MYB: variants seen among roughly 807,000 people sequenced by gnomAD.
The protein encoded by MYB is transcriptional activator Myb.
In MYB, 28 loss-of-function variants were observed where a neutral mutation model predicts 92.9. That is an observed-to-expected ratio of 0.30 (90% CI 0.22 to 0.41). The LOEUF (loss-of-function observed/expected upper bound fraction) is 0.41. Ranked by LOEUF, MYB falls within the 10% of genes least tolerant of loss-of-function variation. The pLI, the probability that MYB is intolerant of heterozygous loss-of-function variation, is 1.00. For synonymous variants in MYB, 295 were observed against 329.1 expected (o/e 0.90, Z 1.12); for missense variants, 679 against 929.3 (o/e 0.73, Z 3.50).
At chr6:135,200,446 C>G in intron 13 of MYB, 31 bp downstream of exon 13, 19 of 1,613,198 alleles carry the variant, frequency 1.2e-5, no homozygotes, top group Non-Finnish European at 1.6e-5. Flanking sequence ...AAGCAACAAG[C>G]TGAGAATCCT....
chr6:135,195,362 T>C, intron 8 of MYB: 1 of 250,352 alleles, frequency 4.0e-6, no homozygotes, highest in Admixed American at 5.0e-5. Flanking sequence ...GTCCTCTAGC[T>C]TTTTTGTGGT....
intron 1 of MYB, among the ~76,000 whole-genome samples, chr6:135,184,984 A>C (rs1254194457): frequency 6.6e-6 from 1 of 152,246 alleles, no homozygotes; most frequent in Non-Finnish European, 1.5e-5. Flanking sequence ...AAAAGTCATA[A>C]AATTTCCTAG....
chr6:135,201,808 CTG>C, intron 14 of MYB, 59 bp downstream of exon 14: 4 of 1,025,524 alleles, frequency 3.9e-6, no homozygotes, highest in Non-Finnish European at 5.4e-6. Flanking sequence ...TCATGAAATC[CTG>C]TGTGTGGCAT....
In MYB at chr6:135,199,036, A is replaced by G. The variant is rs766669229; in HGVS notation, c.1695A>G (p.Gln565=). 1.4e-5 allele frequency: 22 copies of G among 1,603,898 alleles called. No individual in the cohort carries two copies. Among genetic ancestry groups the G allele is most frequent in the Non-Finnish European group, 1.6e-5 (19 of 1,175,798 alleles). ...PFHRDQTVKT[Q]KENTVFRTPA... ...ATAGAGACCAGACTGTGAAAACTCA[A>G]AAGGAAAATACTGTGTAAGTCTTTG... is the stretch of plus-strand genomic sequence containing the variant. The change falls in exon 11 of 16, where the codon CAA becomes CAG. Residue 565 remains glutamine (Q), a synonymous_variant. Coordinates refer to ENST00000341911, the MANE Select transcript of MYB (RefSeq NM_001130173.2).
At chr6:135,187,768 A>G in intron 2 of MYB, 66 bp from the exon 3 acceptor site, 1 of 1,071,746 alleles carries the variant, frequency 9.3e-7, no homozygotes. Flanking sequence ...TCCCTCATTC[A>G]CTTTAACTTG....
intron 15 of MYB, among the ~76,000 whole-genome samples, chr6:135,208,546 G>GTTT (rs567088347): frequency 4.5e-5 from 6 of 134,614 alleles, no homozygotes; most frequent in Non-Finnish European, 4.7e-5. Context: ...TGCCCAGCTA[G>GTTT]TTTTTTTTTT....
intron 3 of MYB, among the ~76,000 whole-genome samples, chr6:135,189,322 C>T (rs914670570): frequency 7.9e-5 from 12 of 152,174 alleles, no homozygotes; most frequent in African/African-American, 2.7e-4. Flanking sequence ...AACATAGGAC[C>T]TATCTTTTAT....
chr6:135,197,504 GCTAA>G (rs35805384), intron 10 of MYB, among the ~76,000 whole-genome samples, 181 bp downstream of exon 10: 6,276 of 152,248 alleles, frequency 0.041, 169 homozygotes, highest in Non-Finnish European at 0.063. Flanking sequence ...CTGTCTGCAG[GCTAA>G]CTGTTGATTT....
intron 15 of MYB, among the ~76,000 whole-genome samples, chr6:135,207,091 C>T (rs1779050245): frequency 6.6e-6 from 1 of 152,188 alleles, no homozygotes; most frequent in African/African-American, 2.4e-5. Flanking sequence ...CCAATTTGAC[C>T]TAATTAGGCA....
chr6:135,212,609 A>G (rs1583424826), intron 15 of MYB, among the ~76,000 whole-genome samples: 1 of 152,336 alleles, frequency 6.6e-6, no homozygotes, highest in Non-Finnish European at 1.5e-5. Flanking sequence ...ATTACAGGAT[A>G]AGCGAGATGA....
chr6:135,215,413 C>T (rs1780299804), intron 15 of MYB, among the ~76,000 whole-genome samples: 1 of 152,142 alleles, frequency 6.6e-6, no homozygotes. Flanking sequence ...GGTGTGGTCC[C>T]ATGGGTGACA....
chr6:135,203,394 G>GTGT lies in MYB; in HGVS notation c.2169+72_2169+73insTTG, dbSNP rs777886048. The GTGT allele has an allele frequency of 2.9e-5, 37 of 1,256,606 alleles. No individual in the cohort carries two copies. The Admixed American group carries it at 5.7e-4, about 19-fold the overall frequency. 77.8% of individuals were successfully genotyped at this position (1,256,606 alleles called of 1,614,324 possible). The stretch of plus-strand genomic sequence containing the variant: ...AAAACTGTCATCTTTGGTGGTGGTG[G>GTGT]TGGTGGTGGTGATGGTAGTGCTGGT... On this transcript the variant is annotated intron_variant, in intron 15 of 15. Transcript: ENST00000341911.
Position 135,181,604 on chromosome 6 carries a change from G to T in MYB, c.23+68G>T. 2 of 1,036,846 alleles carry T rather than the reference G, an allele frequency of 1.9e-6. No homozygotes were observed. The highest frequency in any genetic ancestry group is 4.7e-5 in the South Asian group (1 of 21,164). The allele number at this position is 1,036,846 out of a possible 1,614,324, so 64.2% of individuals were successfully genotyped here. A position where few individuals can be genotyped will look rare whatever the true frequency, so the allele number is the denominator to read the frequency against. ...GGGGCGCGCGGGGCGCCAGGCTCCC[G>T]GGAGCAGGTGGGAATTCGTTCCGGG... On this transcript the variant is annotated intron_variant, in intron 1 of 15. Transcript: ENST00000341911. This position sits in a 1 kb window ranked among gnomAD's most constrained non-coding sequence, Gnocchi z 5.3.
At chr6:135,201,352 G>T (rs920424201) in intron 13 of MYB, among the ~76,000 whole-genome samples, 6 of 152,120 alleles carry the variant, frequency 3.9e-5, no homozygotes, top group Admixed American at 3.3e-4. Context: ...ACACTACTAG[G>T]TGTATCATTA....
Position 135,216,059 on chromosome 6 carries a change from CTGTT to C in MYB, c.2170-1799_2170-1796del, listed in dbSNP as rs56355801. On this transcript the variant is annotated intron_variant, in intron 15 of 15. Transcript: ENST00000341911. ...AGCTTACAGCCACCAAATCTTATAT[CTGTT>C]TGTTTCTGTTCCCCTCTCTGCATTG... 6.5e-3 allele frequency among the ~76,000 whole-genome samples: 996 copies of C among 152,266 alleles called. 24 individuals are homozygous for C. Among genetic ancestry groups the C allele is most frequent in the Admixed American group, 0.052 (793 of 15,298 alleles).
At chr6:135,211,083 A>G (rs1009897440) in intron 15 of MYB, among the ~76,000 whole-genome samples, 4 of 151,606 alleles carry the variant, frequency 2.6e-5, no homozygotes, top group Admixed American at 1.3e-4. Context: ...GAGATGAAGC[A>G]ACTGATTTAC....
rs1163699067 is a variant in MYB at position 135,212,218 on chromosome 6, G to A, written c.2170-5646G>A. On this transcript the variant is annotated intron_variant, in intron 15 of 15. Transcript: ENST00000341911. The stretch of plus-strand genomic sequence containing the variant: ...TGATACCATCTGATGAGTTGCTTTG[G>A]TTTTACTTTTTTTTTTTTTTTTTTT... 1.9e-4 allele frequency among the ~76,000 whole-genome samples: 7 copies of A among 37,564 alleles called. No individual in the cohort carries two copies. In the South Asian group the frequency reaches 6.2e-3, roughly 33 times the overall value. The allele number at this position is 37,564 out of a possible 152,430, so 24.6% of individuals were successfully genotyped here.
At chr6:135,192,675 C>T in intron 6 of MYB, 117 bp downstream of exon 6, 1 of 884,838 alleles carries the variant, frequency 1.1e-6, no homozygotes, top group South Asian at 1.5e-5. Flanking sequence ...TGATCATGGC[C>T]AGTCTTCACC....
chr6:135,206,295 G>A (rs1778912053), intron 15 of MYB, among the ~76,000 whole-genome samples: 1 of 151,434 alleles, frequency 6.6e-6, no homozygotes, highest in Non-Finnish European at 1.5e-5. Context: ...CTACTTGGGA[G>A]GCTAGGGCAG....
Sources: allele counts gnomAD v4.1 joint callset (sites outside exome capture counted in the v4.1 genomes callset), GRCh38; gene constraint gnomAD v4.1.1; non-coding constraint Gnocchi (gnomAD v3.1); transcripts MANE v1.5; gene names NCBI Gene and HGNC (gene_info 2026-07-23, HGNC 2026-07-21).